The following CDH2 variants were observed in gnomAD, a reference collection of about 807,000 sequenced individuals.
CDH2 encodes the protein cadherin-2.
CDH2 carries 17 observed loss-of-function variants against 92.0 expected under a neutral mutation model. The observed-to-expected ratio is 0.18, with a 90% CI of 0.13 to 0.28. The LOEUF is 0.28. CDH2 is among the 10% of genes least tolerant of loss of function. CDH2 has a pLI of 1.00. For synonymous variants in CDH2, 419 were observed against 415.9 expected (o/e 1.01, Z -0.09); for missense variants, 862 against 1,133.1 (o/e 0.76, Z 3.44).
intron 13 of CDH2, among the ~76,000 whole-genome samples, chr18:27,984,011 AGATAACAT>A (rs1346083429): frequency 6.6e-6 from 1 of 152,222 alleles, no homozygotes; most frequent in African/African-American, 2.4e-5. Context: ...TTTTAAAGCC[AGATAACAT>A]GATCTCATTT....
chr18:28,165,722 TC>T (rs1223968661), intron 1 of CDH2, among the ~76,000 whole-genome samples: 3 of 151,656 alleles, frequency 2.0e-5, no homozygotes, highest in Admixed American at 6.6e-5. Flanking sequence ...TTTTTTTTTT[TC>T]TTTTTTCTTT....
chr18:27,946,306 T>A (rs1909267115), downstream of CDH2, among the ~76,000 whole-genome samples: 1 of 151,872 alleles, frequency 6.6e-6, no homozygotes, highest in Admixed American at 6.6e-5. Flanking sequence ...AATAGAATAA[T>A]AATATTTGAC....
intron 2 of CDH2, among the ~76,000 whole-genome samples, chr18:28,027,798 T>A (rs1254783128): frequency 6.6e-6 from 1 of 151,770 alleles, no homozygotes; most frequent in Non-Finnish European, 1.5e-5. Context: ...TTTGACAGAA[T>A]CCAGCTAAAA....
At chr18:27,967,060 A>G (rs1221923750) in intron 14 of CDH2, among the ~76,000 whole-genome samples, 2 of 152,210 alleles carry the variant, frequency 1.3e-5, no homozygotes, top group East Asian at 3.9e-4. Context: ...GAATCACCCC[A>G]TAATGATGGA....
At chr18:27,994,300 G>C (rs999139210) in intron 7 of CDH2, among the ~76,000 whole-genome samples, 1 of 152,044 alleles carries the variant, frequency 6.6e-6, no homozygotes, top group African/African-American at 2.4e-5. Flanking sequence ...TTAGGATTTG[G>C]GTATAACACT....
intron 2 of CDH2, among the ~76,000 whole-genome samples, chr18:28,014,443 G>A (rs913888959): frequency 2.6e-5 from 4 of 152,098 alleles, no homozygotes; most frequent in South Asian, 2.1e-4. Flanking sequence ...ACATAATTTC[G>A]GAACAAATGC....
chr18:28,079,560 C>T (rs559772174), intron 2 of CDH2, among the ~76,000 whole-genome samples: 1 of 152,154 alleles, frequency 6.6e-6, no homozygotes, highest in South Asian at 2.1e-4. Context: ...TTTTCCTTTG[C>T]AGGATAAATT....
chr18:28,097,580 T>C (rs889601185), intron 2 of CDH2, among the ~76,000 whole-genome samples: 3 of 152,112 alleles, frequency 2.0e-5, no homozygotes, highest in African/African-American at 4.8e-5. Context: ...GAAAACAATA[T>C]TGCAAAAAGT....
Position 28,110,913 on chromosome 18 carries a change from G to A in CDH2, c.172+36760C>T, listed in dbSNP as rs181846403. ...CTCTTCGCCAAGCCACGCTCTCTCC[G>A]GGGTCCACTTCTAGATCAAGCAGGA... is the stretch of plus-strand genomic sequence containing the variant. On this transcript the variant is annotated intron_variant, in intron 2 of 15. Transcript: ENST00000269141. Among the ~76,000 whole-genome samples the A allele has an allele frequency of 2.0e-4, 30 of 152,052 alleles. 1 individual carries two copies. The highest frequency in any genetic ancestry group is 5.8e-4 in the African/African-American group (24 of 41,470).
At chr18:28,170,151 T>TTA (rs1598524525) in intron 1 of CDH2, among the ~76,000 whole-genome samples, 1 of 152,220 alleles carries the variant, frequency 6.6e-6, no homozygotes, top group Non-Finnish European at 1.5e-5. Context: ...TTGGATCTAC[T>TTA]TATAGCTCAG....
At chr18:28,130,860 T>C (rs1359916145) in intron 2 of CDH2, among the ~76,000 whole-genome samples, 1 of 152,214 alleles carries the variant, frequency 6.6e-6, no homozygotes, top group Non-Finnish European at 1.5e-5. Context: ...GGGTGAGACT[T>C]ATTAAGTTTT....
intron 2 of CDH2, among the ~76,000 whole-genome samples, chr18:28,132,916 C>G (rs1050225660): frequency 1.3e-5 from 2 of 152,220 alleles, no homozygotes; most frequent in Admixed American, 1.3e-4. Context: ...TCAACTCAAG[C>G]ATCCTCAAGA....
chr18:27,979,885 C>G (rs773015533), intron 14 of CDH2, among the ~76,000 whole-genome samples: 2 of 152,282 alleles, frequency 1.3e-5, no homozygotes, highest in African/African-American at 4.8e-5. Context: ...GTTGTAGTTA[C>G]ACTCTTAACC....
chr18:27,961,571 TG>T (rs1442045101), intron 15 of CDH2, among the ~76,000 whole-genome samples: 1 of 152,010 alleles, frequency 6.6e-6, no homozygotes, highest in African/African-American at 2.4e-5. Flanking sequence ...AATAGTTCAG[TG>T]GGGCTGCAGC....
At chr18:27,986,869 C>T (rs1050051089) in intron 11 of CDH2, among the ~76,000 whole-genome samples, 1 of 152,122 alleles carries the variant, frequency 6.6e-6, no homozygotes, top group Non-Finnish European at 1.5e-5. Flanking sequence ...TTTAATATTA[C>T]TATACTTTTA....
intron 14 of CDH2, among the ~76,000 whole-genome samples, chr18:27,980,643 C>T (rs2012016242): frequency 6.6e-6 from 1 of 151,650 alleles, no homozygotes; most frequent in East Asian, 1.9e-4. Context: ...ATCAAAGAAC[C>T]CAGAGGCTAC....
intron 2 of CDH2, among the ~76,000 whole-genome samples, chr18:28,114,416 T>C (rs994452585): frequency 6.6e-6 from 1 of 152,098 alleles, no homozygotes; most frequent in Non-Finnish European, 1.5e-5. Flanking sequence ...ATGCACACAG[T>C]ACACTATTTT....
At chr18:28,068,687 C>T (rs774494190) in intron 2 of CDH2, among the ~76,000 whole-genome samples, 45 of 152,208 alleles carry the variant, frequency 3.0e-4, no homozygotes, top group Non-Finnish European at 5.0e-4. Flanking sequence ...TAGCAACCAT[C>T]ACGCAGTGCT....
intron 7 of CDH2, among the ~76,000 whole-genome samples, chr18:27,996,795 A>G (rs1397467497): frequency 6.6e-6 from 1 of 152,216 alleles, no homozygotes. Context: ...GGGTGAATGC[A>G]TAAGAAACCT....
Sources: allele counts gnomAD v4.1 joint callset (sites outside exome capture counted in the v4.1 genomes callset), GRCh38; gene constraint gnomAD v4.1.1; transcripts MANE v1.5; gene names NCBI Gene and HGNC (gene_info 2026-07-23, HGNC 2026-07-21).